TNPO1: variants seen among roughly 807,000 people sequenced by gnomAD.
TNPO1 encodes the protein transportin-1.
A neutral mutation model predicts 119.5 loss-of-function variants in TNPO1; 8 were observed. The ratio of observed to expected loss-of-function variants is 0.07; its 90% CI spans 0.04 to 0.12. The LOEUF is 0.12. Ranked by LOEUF, TNPO1 falls within the 10% of genes least tolerant of loss-of-function variation. TNPO1 has a pLI of 1.00. For synonymous variants in TNPO1, 362 were observed against 363.0 expected (o/e 1.00, Z 0.03); for missense variants, 576 against 1,089.8 (o/e 0.53, Z 6.64).
At position 72,882,462 on chromosome 5, in the gene TNPO1, T is replaced by C. The variant is rs759201632; in HGVS notation, c.921-5T>C. The C allele has an allele frequency of 6.2e-7, 1 of 1,606,742 alleles. No homozygotes were observed. ...TCTTTGTTTCATGAATTTCTTTCTT[T>C]ATAGGTTGATTCCTGTGTTAGTGAA... is the stretch of plus-strand genomic sequence containing the variant. On this transcript the variant is annotated splice_region_variant and splice_polypyrimidine_tract_variant and intron_variant, in intron 9 of 24. Transcript: ENST00000337273.
intron 12 of TNPO1, 114 bp downstream of exon 12, chr5:72,887,336 A>G: frequency 8.2e-7 from 1 of 1,225,860 alleles, no homozygotes; most frequent in Non-Finnish European, 1.1e-6. Flanking sequence ...CTAGTATTAA[A>G]CAGCCATAGG....
rs144318784 is a variant in TNPO1 at position 72,886,087 on chromosome 5, T to C, written c.1151-983T>C. ...GATAGGCCCCACCTCCCATCTTCGT[T>C]GCTTTAGGGATTAGGTTTCTAATAC... On this transcript the variant is annotated intron_variant, in intron 11 of 24. Transcript: ENST00000337273. Among the ~76,000 whole-genome samples the C allele has an allele frequency of 3.5e-3, 532 of 151,786 alleles. 5 individuals carry two copies. The highest frequency in any genetic ancestry group is 0.013 in the African/African-American group (517 of 41,064).
intron 3 of TNPO1, 132 bp from the exon 4 acceptor site, chr5:72,855,642 A>G: frequency 1.4e-6 from 1 of 724,864 alleles, no homozygotes. Flanking sequence ...TTAATCAGTT[A>G]TAATTATTTT....
intron 6 of TNPO1, chr5:72,871,786 T>C (rs573333155): frequency 9.2e-5 from 14 of 152,136 alleles, no homozygotes; most frequent in Admixed American, 5.9e-4. Flanking sequence ...ATAATGGGAA[T>C]TGAAGTTAGG....
rs114669720 is a variant in TNPO1, at chr5:72,891,072, G to A, written c.1702-738G>A. 6.2e-3 allele frequency among the ~76,000 whole-genome samples: 942 copies of A among 152,112 alleles called. 8 individuals carry two copies. Among genetic ancestry groups the A allele is most frequent in the Non-Finnish European group, 8.8e-3 (600 of 67,978 alleles). ...TTGCCCAGGCTGGCCCAAACTCCTG[G>A]GTTCAAGTGATCTGCCTGCCTCAGC... On this transcript the variant is annotated intron_variant, in intron 14 of 24. Transcript: ENST00000337273.
At chr5:72,823,869 C>G (rs182027104) in intron 1 of TNPO1, among the ~76,000 whole-genome samples, 5 of 152,146 alleles carry the variant, frequency 3.3e-5, no homozygotes, top group Non-Finnish European at 5.9e-5. Flanking sequence ...CTGTATTTTC[C>G]TAGTCTGCTT....
chr5:72,870,437 C>A lies in TNPO1; in HGVS notation c.597-2202C>A, dbSNP rs1170114002. Among the ~76,000 whole-genome samples the A allele has an allele frequency of 2.0e-5, 3 of 152,196 alleles. No individual in the cohort carries two copies. In the East Asian group the frequency reaches 5.8e-4, roughly 29 times the overall value. ...GTAGCCTCCCAGAGTGCTGGGATTACAGGCGTGAGCCACCGTGCCCAGCCA... is the reference window on the plus strand; with the variant it reads ...GTAGCCTCCCAGAGTGCTGGGATTAAAGGCGTGAGCCACCGTGCCCAGCCA... On this transcript the variant is annotated intron_variant, in intron 6 of 24. Coordinates refer to ENST00000337273, the MANE Select transcript of TNPO1 (RefSeq NM_002270.4).
At chr5:72,836,113 C>T (rs969703815) in intron 1 of TNPO1, among the ~76,000 whole-genome samples, 3 of 152,244 alleles carry the variant, frequency 2.0e-5, no homozygotes, top group African/African-American at 7.2e-5. Context: ...GCTGGAATTG[C>T]ACTCCAGTGG....
chr5:72,824,140 C>G (rs1744104688), intron 1 of TNPO1, among the ~76,000 whole-genome samples: 1 of 152,172 alleles, frequency 6.6e-6, no homozygotes, highest in Non-Finnish European at 1.5e-5. Flanking sequence ...TCTTGTCTGC[C>G]TTTGTACTAG....
intron 4 of TNPO1, among the ~76,000 whole-genome samples, chr5:72,860,855 T>C (rs1746387509): frequency 6.6e-6 from 1 of 152,206 alleles, no homozygotes; most frequent in Admixed American, 6.5e-5. Context: ...CACCCAGTGT[T>C]AAGTGCTGCT....
intron 20 of TNPO1, among the ~76,000 whole-genome samples, chr5:72,897,536 A>G (rs1193745377): frequency 6.6e-6 from 1 of 151,998 alleles, no homozygotes; most frequent in African/African-American, 2.4e-5. Flanking sequence ...TTCAGTGGCA[A>G]ATTGGTTAAC....
rs200627642 is a variant in TNPO1 at position 72,855,915 on chromosome 5, C to T, written c.347C>T (p.Ala116Val). The change falls in exon 4 of 25, where the codon GCC becomes GTC. Residue 116 changes from alanine to valine, a missense_variant. Coordinates refer to ENST00000337273, the MANE Select transcript of TNPO1 (RefSeq NM_002270.4). ...GGTGACTCCTCTCCTCTGATTAGAG[C>T]CACTGTTGGTAAGTTATATTACAAC... ...NIGDSSPLIRATVGILITTIA... is the reference protein window; with the variant it reads ...NIGDSSPLIRVTVGILITTIA... 1 of 1,613,138 alleles carries T rather than the reference C, an allele frequency of 6.2e-7. No homozygotes were observed. The highest frequency in any genetic ancestry group is 8.5e-7 in the Non-Finnish European group (1 of 1,179,662).
intron 4 of TNPO1, among the ~76,000 whole-genome samples, chr5:72,858,792 G>C (rs527785741): frequency 1.3e-5 from 2 of 151,608 alleles, no homozygotes; most frequent in African/African-American, 4.9e-5. Context: ...AGCCAGGATC[G>C]CGCCATTGCA....
At chr5:72,817,377 C>T (rs935674197) in intron 1 of TNPO1, among the ~76,000 whole-genome samples, 1 of 152,220 alleles carries the variant, frequency 6.6e-6, no homozygotes, top group African/African-American at 2.4e-5. Context: ...GCCCTTCTAC[C>T]TCCACTCCCA....
At chr5:72,905,060 C>T (rs1245860248) in intron 23 of TNPO1, among the ~76,000 whole-genome samples, 1 of 152,182 alleles carries the variant, frequency 6.6e-6, no homozygotes, top group African/African-American at 2.4e-5. Flanking sequence ...TCAGTTATCT[C>T]CCACTGGGTC....
intron 4 of TNPO1, among the ~76,000 whole-genome samples, chr5:72,856,996 G>C (rs145588233): frequency 1.1e-4 from 17 of 152,290 alleles, no homozygotes; most frequent in Admixed American, 2.0e-4. Context: ...CTGGTTAAAT[G>C]AAAGTCCGTT....
intron 6 of TNPO1, among the ~76,000 whole-genome samples, chr5:72,867,422 A>G (rs1156551526): frequency 6.6e-6 from 1 of 152,174 alleles, no homozygotes; most frequent in African/African-American, 2.4e-5. Flanking sequence ...TCAAGAATAT[A>G]AAATTAGAGT....
At chr5:72,848,156 G>C in intron 1 of TNPO1, 3 of 1,203,236 alleles carry the variant, frequency 2.5e-6, no homozygotes, top group Non-Finnish European at 3.1e-6. Context: ...CTCGGCGGCC[G>C]CGGCGGCAGC....
intron 22 of TNPO1, among the ~76,000 whole-genome samples, chr5:72,903,266 A>G (rs1045442717): frequency 3.9e-5 from 6 of 152,076 alleles, no homozygotes; most frequent in African/African-American, 1.2e-4. Flanking sequence ...TGAAATTACT[A>G]ATTTCTCTAT....
Sources: gnomAD v4.1 joint callset for allele counts (sites outside exome capture counted in the v4.1 genomes callset) on GRCh38, gnomAD v4.1.1 for gene constraint, MANE v1.5 for transcripts, NCBI Gene and HGNC (gene_info 2026-07-23, HGNC 2026-07-21) for gene names.